UGT2B15: variants seen among roughly 807,000 people sequenced by gnomAD.
UGT2B15 encodes the protein UDP glucuronosyltransferase family 2 member B15.
A neutral mutation model predicts 45.9 loss-of-function variants in UGT2B15; 36 were observed. The ratio of observed to expected loss-of-function variants is 0.78; its 90% CI spans 0.60 to 1.04. UGT2B15 has a LOEUF of 1.04. Among genes scored for constraint, UGT2B15 ranks in the 50% least tolerant of loss-of-function variants. The pLI, the probability that UGT2B15 is intolerant of heterozygous loss-of-function variation, is 0.00. For synonymous variants in UGT2B15, 219 were observed against 216.4 expected (o/e 1.01, Z -0.11); for missense variants, 617 against 622.4 (o/e 0.99, Z 0.09).
chr4:68,659,254 C>T (rs1397271262), intron 3 of UGT2B15, among the ~76,000 whole-genome samples: 3 of 151,856 alleles, frequency 2.0e-5, no homozygotes, highest in African/African-American at 7.3e-5. Context: ...CCACATTAGT[C>T]AAATGAATGA....
intron 1 of UGT2B15, among the ~76,000 whole-genome samples, chr4:68,669,523 A>T (rs1733237965): frequency 6.6e-6 from 1 of 152,188 alleles, no homozygotes; most frequent in African/African-American, 2.4e-5. Context: ...TAATTTTTCT[A>T]GAAATATGTG....
chr4:68,659,495 ATTG>A (rs1479122663), intron 3 of UGT2B15, among the ~76,000 whole-genome samples: 1 of 151,948 alleles, frequency 6.6e-6, no homozygotes, highest in African/African-American at 2.4e-5. Flanking sequence ...TAAGTATGTT[ATTG>A]TTATGTGTTC....
chr4:68,661,140 T>C (rs974439216), intron 3 of UGT2B15, among the ~76,000 whole-genome samples: 1 of 152,010 alleles, frequency 6.6e-6, no homozygotes, highest in Non-Finnish European at 1.5e-5. Context: ...TCTAAAATGC[T>C]TTCTCCAAAA....
intron 3 of UGT2B15, among the ~76,000 whole-genome samples, chr4:68,660,807 C>T (rs1336882134): frequency 6.6e-6 from 1 of 151,588 alleles, no homozygotes; most frequent in Non-Finnish European, 1.5e-5. Context: ...CTAAGTCATG[C>T]TTTCATGAAG....
chr4:68,646,962 A>T lies in UGT2B15; in HGVS notation c.*142T>A. On this transcript the variant is annotated 3_prime_UTR_variant, in exon 6 of 6. Coordinates refer to ENST00000338206, the MANE Select transcript of UGT2B15 (RefSeq NM_001076.4). ...CTAAAGTACGTATTAAATCCCTGGA[A>T]AATAAATTTTGTCTTAACAAGGTAA... is the stretch of plus-strand genomic sequence containing the variant. The T allele has an allele frequency of 1.5e-6, 2 of 1,290,958 alleles. No individual in the cohort carries two copies. The highest frequency in any genetic ancestry group is 2.1e-6 in the Non-Finnish European group (2 of 938,942). 80.0% of individuals were successfully genotyped at this position (1,290,958 alleles called of 1,614,324 possible).
intron 3 of UGT2B15, among the ~76,000 whole-genome samples, chr4:68,655,775 G>C (rs1176556853): frequency 6.6e-6 from 1 of 152,010 alleles, no homozygotes; most frequent in East Asian, 1.9e-4. Flanking sequence ...AAACCAAACT[G>C]TCCCCCCACC....
chr4:68,649,273 C>CTTTTT lies in UGT2B15; in HGVS notation c.1314-1895_1314-1891dup, dbSNP rs71218976. On this transcript the variant is annotated intron_variant, in intron 5 of 5. Coordinates refer to ENST00000338206, the MANE Select transcript of UGT2B15 (RefSeq NM_001076.4). ...AATTCAGGTAACTATTTCATATAATCTTTTTTTTTTTTTTTTTTTTTTTTT... is the reference window on the plus strand; with the variant it reads ...AATTCAGGTAACTATTTCATATAATCTTTTTTTTTTTTTTTTTTTTTTTTTTTTTT... Among the ~76,000 whole-genome samples, 160 of 93,256 alleles carry CTTTTT rather than the reference C, an allele frequency of 1.7e-3. 15 individuals are homozygous for CTTTTT. Among genetic ancestry groups the CTTTTT allele is most frequent in the African/African-American group, 6.1e-3 (148 of 24,304 alleles). The allele number at this position is 93,256 out of a possible 152,430, so 61.2% of individuals were successfully genotyped here.
chr4:68,656,039 C>T (rs1392252793), intron 3 of UGT2B15, among the ~76,000 whole-genome samples: 1 of 152,006 alleles, frequency 6.6e-6, no homozygotes, highest in Non-Finnish European at 1.5e-5. Context: ...GGGAGCAACC[C>T]CTCCAGAGAA....
intron 5 of UGT2B15, among the ~76,000 whole-genome samples, chr4:68,653,126 T>C (rs1732704001): frequency 6.6e-6 from 1 of 151,978 alleles, no homozygotes. Context: ...AACAACAATT[T>C]CCCATATGTC....
At chr4:68,658,067 A>T (rs1732862704) in intron 3 of UGT2B15, among the ~76,000 whole-genome samples, 1 of 152,098 alleles carries the variant, frequency 6.6e-6, no homozygotes, top group African/African-American at 2.4e-5. Context: ...TTAGCTTACA[A>T]CTGCCTATGG....
At chr4:68,654,985 T>A in intron 4 of UGT2B15, 110 bp downstream of exon 4, 1 of 1,346,784 alleles carries the variant, frequency 7.4e-7, no homozygotes, top group Non-Finnish European at 1.0e-6. Context: ...ATTTGATTTG[T>A]TTTTTAGTTT....
intron 2 of UGT2B15, among the ~76,000 whole-genome samples, chr4:68,665,426 A>T (rs1449526159): frequency 6.6e-6 from 1 of 152,144 alleles, no homozygotes; most frequent in South Asian, 2.1e-4. Flanking sequence ...TATGCACATT[A>T]TGTAAGTTTT....
rs755611274 is a variant in UGT2B15, at chr4:68,647,376, C to T, written c.1321G>A (p.Glu441Lys). ...KSVINDPVYKENVMKLSRIHH... is the reference protein window; with the variant it reads ...KSVINDPVYKKNVMKLSRIHH... ...ATTCTTGATAATTTCATGACATTCT[C>T]TTTATAGCTGAAGGATAAATATAAA... Residue 441 changes from glutamate (E) to lysine (K), a missense_variant, in exon 6 of 6, where the codon GAG (glutamate) becomes AAG (lysine). By Grantham distance (56) the Glu-to-Lys change is moderately conservative (BLOSUM62 1). Transcript: ENST00000338206. The T allele has an allele frequency of 1.2e-6, 2 of 1,611,314 alleles. No homozygotes were observed. Among genetic ancestry groups the T allele is most frequent in the Non-Finnish European group, 8.5e-7 (1 of 1,178,384 alleles).
chr4:68,651,264 C>T (rs1361623203), intron 5 of UGT2B15, among the ~76,000 whole-genome samples: 2 of 151,956 alleles, frequency 1.3e-5, no homozygotes, highest in Non-Finnish European at 1.5e-5. Flanking sequence ...AGGTTTTCTC[C>T]TAGAGTTTTT....
At chr4:68,659,937 T>C (rs541756275) in intron 3 of UGT2B15, among the ~76,000 whole-genome samples, 1 of 151,842 alleles carries the variant, frequency 6.6e-6, no homozygotes, top group East Asian at 1.9e-4. Context: ...TTGTTTTTTT[T>C]TCAGAGTGAA....
chr4:68,663,435 C>A (rs1053497919), intron 2 of UGT2B15, among the ~76,000 whole-genome samples: 1 of 151,992 alleles, frequency 6.6e-6, no homozygotes, highest in Non-Finnish European at 1.5e-5. Context: ...AAATGTTACA[C>A]CCAGACACTT....
At chr4:68,664,807 A>T (rs986364458) in intron 2 of UGT2B15, among the ~76,000 whole-genome samples, 1 of 151,698 alleles carries the variant, frequency 6.6e-6, no homozygotes, top group South Asian at 2.1e-4. Context: ...CTTGTGATCC[A>T]CCCGCCTCAG....
At chr4:68,660,921 A>G (rs1327586110) in intron 3 of UGT2B15, among the ~76,000 whole-genome samples, 5 of 151,974 alleles carry the variant, frequency 3.3e-5, no homozygotes, top group Non-Finnish European at 7.4e-5. Flanking sequence ...TATGGACTTC[A>G]GAGTAATGGG....
In UGT2B15 at chr4:68,670,229, A is replaced by G; in HGVS notation, c.390T>C (p.Asp130=). 1.2e-6 allele frequency: 2 copies of G among 1,613,948 alleles called. No individual in the cohort carries two copies. The highest frequency in any genetic ancestry group is 2.2e-5 in the South Asian group (2 of 91,012). Reference sequence around the variant, plus strand: ...TCATAAGTTTCTTATTCAAAACTGCATCTTTACAGAGCTTGTTACTGTAGT... The same window carrying G: ...TCATAAGTTTCTTATTCAAAACTGCGTCTTTACAGAGCTTGTTACTGTAGT... The part of the protein sequence containing the change: ...YYDYSNKLCK[D]AVLNKKLMMK... Residue 130 remains aspartate (D), a synonymous_variant, in exon 1 of 6, where the codon GAT becomes GAC. Transcript: ENST00000338206.
Sources: gnomAD v4.1 joint callset for allele counts (sites outside exome capture counted in the v4.1 genomes callset) on GRCh38, gnomAD v4.1.1 for gene constraint, MANE v1.5 for transcripts, NCBI Gene and HGNC (gene_info 2026-07-23, HGNC 2026-07-21) for gene names.